Variants in CDH12 observed in about 807,000 individuals in gnomAD.
CDH12 encodes cadherin-12.
In CDH12, 41 loss-of-function variants were observed where a neutral mutation model predicts 74.1. That is an observed-to-expected ratio of 0.55 (90% confidence interval 0.43 to 0.72). The LOEUF (loss-of-function observed/expected upper bound fraction) is 0.72, where lower values mean the gene tolerates loss of function less well. CDH12 is among the 30% of genes least tolerant of loss of function. The probability of loss-of-function intolerance (pLI) is 0.00; values close to 1 mark genes in which losing one functional copy is unlikely to be tolerated. For missense variants in CDH12, 945 were observed against 977.2 expected (o/e 0.97, Z 0.44); for synonymous variants, 399 against 355.0 (o/e 1.12, Z -1.39).
At chr5:22,300,844 C>T (rs563403117) in intron 3 of CDH12, among the ~76,000 whole-genome samples, 199 of 152,252 alleles carry the variant, frequency 1.3e-3, no homozygotes, top group African/African-American at 4.6e-3. Context: ...GCATTTGTAA[C>T]TTTATCAGAT....
chr5:21,815,698 C>A (rs1254008606), intron 9 of CDH12, among the ~76,000 whole-genome samples: 1 of 152,094 alleles, frequency 6.6e-6, no homozygotes, highest in Non-Finnish European at 1.5e-5. Context: ...CCATTACTGG[C>A]CTTTCACATT....
In CDH12 at chr5:21,927,596, A is replaced by G. The variant is rs149669000; in HGVS notation, c.526+47495T>C. 3.5e-3 allele frequency among the ~76,000 whole-genome samples: 534 copies of G among 152,142 alleles called. 1 individual carries two copies. Among genetic ancestry groups the G allele is most frequent in the African/African-American group, 0.012 (502 of 41,508 alleles). ...ACAGAGGAAGACTCTGCTCAAAAAA[A>G]CAAGAAAGAAAGAAAAGTATTATAA... On this transcript the variant is annotated intron_variant, in intron 6 of 14. Transcript: ENST00000382254.
chr5:21,804,707 G>A (rs566079329), intron 9 of CDH12, among the ~76,000 whole-genome samples: 34 of 148,634 alleles, frequency 2.3e-4, no homozygotes, highest in South Asian at 6.4e-4. Context: ...GATGTTTTAC[G>A]TGGTGGCAAG....
rs779033199 is a variant in CDH12 at position 22,426,141 on chromosome 5, C to G, written c.-427-20790G>C. Among the ~76,000 whole-genome samples, 12 of 148,418 alleles carry G rather than the reference C, an allele frequency of 8.1e-5. No individual in the cohort carries two copies. In the South Asian group the frequency reaches 8.6e-4, roughly 11 times the overall value. On this transcript the variant is annotated intron_variant, in intron 2 of 14. Transcript: ENST00000382254. Reference sequence around the variant, plus strand: ...GGCAGAGTTTGCAGTGAGCCGAGATCGCACCACTGCACTCCAGCCTGGTGA... The same window carrying G: ...GGCAGAGTTTGCAGTGAGCCGAGATGGCACCACTGCACTCCAGCCTGGTGA...
chr5:22,117,527 T>TTTATATATA (rs1561129389), intron 4 of CDH12, among the ~76,000 whole-genome samples: 6 of 103,110 alleles, frequency 5.8e-5, no homozygotes, highest in African/African-American at 2.0e-4. Context: ...ATATATAATA[T>TTTATATATA]ATATATATAT....
chr5:22,092,098 G>A (rs1444015045), intron 4 of CDH12, among the ~76,000 whole-genome samples: 1 of 151,424 alleles, frequency 6.6e-6, no homozygotes, highest in East Asian at 2.0e-4. Flanking sequence ...ACATAAAAAT[G>A]ACTTTTATCC....
chr5:22,463,890 C>T (rs192700933), intron 2 of CDH12, among the ~76,000 whole-genome samples: 1 of 152,152 alleles, frequency 6.6e-6, no homozygotes, highest in South Asian at 2.1e-4. Context: ...ATATCCCCTA[C>T]ATATTAGATT....
intron 4 of CDH12, among the ~76,000 whole-genome samples, chr5:22,138,342 AT>A (rs1351355372): frequency 5.9e-5 from 9 of 151,774 alleles, no homozygotes; most frequent in South Asian, 2.1e-4. Context: ...AAAGAATTAT[AT>A]TTTTTATAAT....
chr5:22,808,417 T>A (rs1305044614), intron 1 of CDH12, among the ~76,000 whole-genome samples: 1 of 152,124 alleles, frequency 6.6e-6, no homozygotes, highest in African/African-American at 2.4e-5. Flanking sequence ...AAATTTTAAA[T>A]GCTTACTTTG....
At chr5:22,638,897 A>G (rs1738978807) in intron 1 of CDH12, 1 of 151,158 alleles carries the variant, frequency 6.6e-6, no homozygotes, top group Non-Finnish European at 1.5e-5. Context: ...AAAAATACAA[A>G]AAAATTAGCC....
intron 6 of CDH12, among the ~76,000 whole-genome samples, chr5:21,889,046 A>T (rs983163873): frequency 2.8e-4 from 43 of 152,116 alleles, no homozygotes; most frequent in African/African-American, 9.4e-4. Context: ...ACATATGATT[A>T]TATATTTCTG....
chr5:22,561,366 T>C lies in CDH12; in HGVS notation c.-522-56002A>G, dbSNP rs144742496. Among the ~76,000 whole-genome samples the C allele has an allele frequency of 5.0e-3, 758 of 152,274 alleles. 8 individuals carry two copies. The highest frequency in any genetic ancestry group is 0.017 in the African/African-American group (690 of 41,564). On this transcript the variant is annotated intron_variant, in intron 1 of 14. Transcript: ENST00000382254. ...AATATTCCATTTTCCTTCCATCAGG[T>C]AAGTGGTGAATATTCTAACCTAACA...
intron 6 of CDH12, among the ~76,000 whole-genome samples, chr5:21,904,671 T>C (rs1010899739): frequency 6.6e-6 from 1 of 152,064 alleles, no homozygotes; most frequent in African/African-American, 2.4e-5. Context: ...TCCTAGCTAC[T>C]TGGGAGGCTG....
At chr5:22,217,686 T>C (rs1225206461) in intron 3 of CDH12, among the ~76,000 whole-genome samples, 2 of 151,742 alleles carry the variant, frequency 1.3e-5, no homozygotes, top group Admixed American at 1.3e-4. Flanking sequence ...AAATTAGTAA[T>C]GACTAGAGTT....
At chr5:22,531,144 C>T (rs1478229370) in intron 1 of CDH12, among the ~76,000 whole-genome samples, 2 of 152,080 alleles carry the variant, frequency 1.3e-5, no homozygotes, top group African/African-American at 2.4e-5. Flanking sequence ...CATGCACCCC[C>T]AAAATGGACC....
chr5:22,563,971 T>C (rs1739179107), intron 1 of CDH12, among the ~76,000 whole-genome samples: 2 of 152,262 alleles, frequency 1.3e-5, no homozygotes, highest in South Asian at 4.2e-4. Flanking sequence ...ATGGGAATTA[T>C]GGGAGCTACA....
At position 22,049,435 on chromosome 5, in the gene CDH12, A is replaced by T. The variant is rs1052029941; in HGVS notation, c.231+29011T>A. Among the ~76,000 whole-genome samples the T allele has an allele frequency of 4.0e-5, 6 of 151,846 alleles. No individual in the cohort carries two copies. The South Asian group carries it at 1.0e-3, about 26-fold the overall frequency. On this transcript the variant is annotated intron_variant, in intron 5 of 14. Transcript: ENST00000382254. ...AGTCCTCTTCCTTTTTCCTTGCCCA[A>T]GTTCAGCAGCTTTTGATTTTAAAAT... is the stretch of plus-strand genomic sequence containing the variant.
At chr5:22,745,686 A>T (rs1159723346) in intron 1 of CDH12, among the ~76,000 whole-genome samples, 1 of 152,172 alleles carries the variant, frequency 6.6e-6, no homozygotes, top group East Asian at 1.9e-4. Flanking sequence ...AAAATACCAC[A>T]TGCTCTCACA....
intron 1 of CDH12, among the ~76,000 whole-genome samples, chr5:22,848,989 G>A (rs1003687696): frequency 1.2e-4 from 17 of 147,694 alleles, no homozygotes; most frequent in Non-Finnish European, 2.0e-4. Context: ...ATCAAAAAAT[G>A]TTTTTTTTTT....
Sources: allele counts gnomAD v4.1 joint callset (sites outside exome capture counted in the v4.1 genomes callset), GRCh38; gene constraint gnomAD v4.1.1; transcripts MANE v1.5; gene names NCBI Gene and HGNC (gene_info 2026-07-23, HGNC 2026-07-21).